The following TMEM178B variants were observed in gnomAD, a reference collection of about 807,000 sequenced individuals.
TMEM178B encodes transmembrane protein 178B.
A neutral mutation model predicts 31.0 loss-of-function variants in TMEM178B; 5 were observed. The ratio of observed to expected loss-of-function variants is 0.16; its 90% confidence interval spans 0.08 to 0.34. TMEM178B has a LOEUF of 0.34. Ranked by LOEUF, TMEM178B falls within the 10% of genes least tolerant of loss-of-function variation. The pLI, the probability that TMEM178B is intolerant of heterozygous loss-of-function variation, is 1.00. For synonymous variants in TMEM178B, 164 were observed against 164.0 expected, an observed-to-expected ratio of 1.00 and a Z score of 0.00; for missense variants, 275 against 400.3, an observed-to-expected ratio of 0.69 and a Z score of 2.67.
chr7:141,216,423 C>CTGTGTGTGTGTG (rs575369422), intron 2 of TMEM178B, among the ~76,000 whole-genome samples: 1,463 of 89,384 alleles, frequency 0.016, 43 homozygotes, highest in South Asian at 0.066. Flanking sequence ...AGGATGAAGC[C>CTGTGTGTGTGTG]TGTGTGTGTG....
intron 2 of TMEM178B, among the ~76,000 whole-genome samples, chr7:141,220,016 C>A (rs551778457): frequency 6.6e-5 from 10 of 152,182 alleles, no homozygotes; most frequent in African/African-American, 2.4e-4. Context: ...AACGTAGAGA[C>A]GCTTTAAAAT....
At chr7:141,108,189 TA>T (rs1214390098) in intron 1 of TMEM178B, among the ~76,000 whole-genome samples, 1 of 152,100 alleles carries the variant, frequency 6.6e-6, no homozygotes, top group Non-Finnish European at 1.5e-5. Flanking sequence ...TGATTTGTCA[TA>T]AAGGTGGTAG....
At chr7:141,154,835 T>G (rs983125624) in intron 1 of TMEM178B, among the ~76,000 whole-genome samples, 3 of 151,990 alleles carry the variant, frequency 2.0e-5, no homozygotes, top group African/African-American at 7.3e-5. Flanking sequence ...GTTCAAACGA[T>G]TCTCCTGCCT....
At chr7:141,308,326 G>A (rs566337085) in intron 2 of TMEM178B, among the ~76,000 whole-genome samples, 47 of 152,340 alleles carry the variant, frequency 3.1e-4, no homozygotes, top group African/African-American at 1.1e-3. Flanking sequence ...GGGAAGCTCT[G>A]TGGGAAACAT....
chr7:141,361,260 C>T (rs1248578368), intron 2 of TMEM178B, among the ~76,000 whole-genome samples: 1 of 152,070 alleles, frequency 6.6e-6, no homozygotes, highest in Non-Finnish European at 1.5e-5. Flanking sequence ...GGCCATTTGT[C>T]TTCACCATCC....
At chr7:141,279,782 G>A (rs1373286699) in intron 2 of TMEM178B, among the ~76,000 whole-genome samples, 1 of 152,234 alleles carries the variant, frequency 6.6e-6, no homozygotes, top group African/African-American at 2.4e-5. Context: ...TGAGCAAATA[G>A]CACTGGCTTC....
At chr7:141,483,299 G>C (rs558378332), downstream of TMEM178B, among the ~76,000 whole-genome samples, 3 of 152,152 alleles carry the variant, frequency 2.0e-5, no homozygotes, top group Non-Finnish European at 2.9e-5. Flanking sequence ...GTCCACATGA[G>C]AGTTCCTTTC....
chr7:141,427,946 C>T lies in TMEM178B; in HGVS notation c.497-9662C>T, dbSNP rs145878633. On this transcript the variant is annotated intron_variant, in intron 2 of 3. Coordinates refer to ENST00000565468, the MANE Select transcript of TMEM178B (RefSeq NM_001195278.2). ...CATACAGATGGCCAACAGGTATATA[C>T]AAAAATGCTCAATATCACTAATCGT... is the stretch of plus-strand genomic sequence containing the variant. 1.7e-3 allele frequency among the ~76,000 whole-genome samples: 264 copies of T among 152,184 alleles called. 2 individuals are homozygous for T. The highest frequency in any genetic ancestry group is 5.9e-3 in the African/African-American group (247 of 41,548).
At chr7:141,193,729 A>G (rs761919521) in intron 1 of TMEM178B, among the ~76,000 whole-genome samples, 5 of 151,774 alleles carry the variant, frequency 3.3e-5, no homozygotes, top group Non-Finnish European at 5.9e-5. Context: ...TCAGGCCCCA[A>G]CTCTGGTGCC....
chr7:141,411,230 T>G lies in TMEM178B; in HGVS notation c.497-26378T>G, dbSNP rs62486689. The stretch of plus-strand genomic sequence containing the variant: ...CGAATAAAATAAAAAAAGAAAAATT[T>G]TAAAAAAGAAATTAGAATGGTGGAG... On this transcript the variant is annotated intron_variant, in intron 2 of 3. Coordinates refer to ENST00000565468, the MANE Select transcript of TMEM178B (RefSeq NM_001195278.2). 3.4e-3 allele frequency among the ~76,000 whole-genome samples: 516 copies of G among 152,076 alleles called. 1 individual carries two copies. The highest frequency in any genetic ancestry group is 5.7e-3 in the Non-Finnish European group (388 of 67,960).
intron 1 of TMEM178B, among the ~76,000 whole-genome samples, chr7:141,105,864 G>A (rs1795136828): frequency 6.6e-6 from 1 of 152,112 alleles, no homozygotes. Context: ...GGAGGCCAAG[G>A]TGGGTGGATC....
chr7:141,343,525 CTTT>C (rs11442055), intron 2 of TMEM178B, among the ~76,000 whole-genome samples: 6 of 86,996 alleles, frequency 6.9e-5, no homozygotes, highest in African/African-American at 1.9e-4. Flanking sequence ...ATGGGAGCAC[CTTT>C]TTTTTTTTTT....
chr7:141,434,470 C>T (rs538090671), intron 2 of TMEM178B, among the ~76,000 whole-genome samples: 22 of 152,260 alleles, frequency 1.4e-4, no homozygotes, highest in Admixed American at 4.6e-4. Flanking sequence ...ATGTGCTGAC[C>T]GTTTATACCT....
At chr7:141,410,557 T>A (rs1800966348) in intron 2 of TMEM178B, among the ~76,000 whole-genome samples, 1 of 151,336 alleles carries the variant, frequency 6.6e-6, no homozygotes, top group Non-Finnish European at 1.5e-5. Context: ...TCTTTTCTTT[T>A]CTTTTCTTTC....
intron 2 of TMEM178B, among the ~76,000 whole-genome samples, chr7:141,399,342 G>A (rs1004488024): frequency 2.6e-5 from 4 of 152,222 alleles, no homozygotes; most frequent in Admixed American, 6.5e-5. Flanking sequence ...TATTGCTAGC[G>A]TAAGCACTGT....
intron 1 of TMEM178B, among the ~76,000 whole-genome samples, chr7:141,197,744 T>C (rs1467528804): frequency 6.6e-6 from 1 of 152,172 alleles, no homozygotes; most frequent in Non-Finnish European, 1.5e-5. Flanking sequence ...GTGATTCTCC[T>C]GCCTCAGCCT....
At chr7:141,109,904 G>A (rs914649378) in intron 1 of TMEM178B, among the ~76,000 whole-genome samples, 8 of 152,010 alleles carry the variant, frequency 5.3e-5, no homozygotes, top group Non-Finnish European at 1.2e-4. Flanking sequence ...TTGTGCCATG[G>A]CACTCCAGCC....
At chr7:141,126,948 T>G (rs1795507865) in intron 1 of TMEM178B, among the ~76,000 whole-genome samples, 1 of 151,854 alleles carries the variant, frequency 6.6e-6, no homozygotes, top group Non-Finnish European at 1.5e-5. Flanking sequence ...TTGCAAAGTG[T>G]GGAGGCTGTA....
chr7:141,447,032 CATTT>C (rs1287229402), intron 3 of TMEM178B, among the ~76,000 whole-genome samples: 1 of 152,104 alleles, frequency 6.6e-6, no homozygotes, highest in African/African-American at 2.4e-5. Context: ...CGTACTCATT[CATTT>C]ATTTGTTTGC....
Sources: gnomAD v4.1 joint callset for allele counts (sites outside exome capture counted in the v4.1 genomes callset) on GRCh38, gnomAD v4.1.1 for gene constraint, MANE v1.5 for transcripts, NCBI Gene and HGNC (gene_info 2026-07-23, HGNC 2026-07-21) for gene names.